The following PAK2 variants were observed in gnomAD, a reference collection of about 807,000 sequenced individuals.
The protein encoded by PAK2 is p21 (RAC1) activated kinase 2, also known as serine/threonine-protein kinase PAK 2.
Under a neutral mutation model 65.9 loss-of-function variants are expected in PAK2, and 21 were observed. The observed-to-expected ratio is 0.32, with a 90% CI of 0.23 to 0.46. The LOEUF is 0.46. Among genes scored for constraint, PAK2 ranks in the 20% least tolerant of loss-of-function variants. PAK2 has a pLI of 1.00. For missense variants in PAK2, 324 were observed against 642.6 expected (o/e 0.50, Z 5.36); for synonymous variants, 204 against 219.7 (o/e 0.93, Z 0.63).
At chr3:196,821,242 G>A (rs1399165440) in intron 13 of PAK2, among the ~76,000 whole-genome samples, 1 of 151,876 alleles carries the variant, frequency 6.6e-6, no homozygotes, top group African/African-American at 2.4e-5. Flanking sequence ...CAAGAGAATT[G>A]CTTGAACCCA....
chr3:196,792,798 GAA>G (rs58175165), intron 2 of PAK2, among the ~76,000 whole-genome samples: 1 of 150,006 alleles, frequency 6.7e-6, no homozygotes, highest in Admixed American at 6.6e-5. Flanking sequence ...TAAAATGACA[GAA>G]AAAAATATAT....
chr3:196,826,615 T>C (rs1190261204), intron 13 of PAK2, among the ~76,000 whole-genome samples: 1 of 152,056 alleles, frequency 6.6e-6, no homozygotes, highest in East Asian at 1.9e-4. Context: ...ATTATTAACA[T>C]TGTTTTATTT....
intron 8 of PAK2, among the ~76,000 whole-genome samples, chr3:196,811,237 T>TCCTTCCCTC (rs1715789282): frequency 5.0e-4 from 2 of 4,040 alleles, no homozygotes; most frequent in Non-Finnish European, 9.0e-4. Context: ...TCCCTTCCCT[T>TCCTTCCCTC]CCTTCCCTCC....
At chr3:196,755,075 T>G (rs1386801286) in intron 1 of PAK2, among the ~76,000 whole-genome samples, 1 of 152,208 alleles carries the variant, frequency 6.6e-6, no homozygotes, top group Non-Finnish European at 1.5e-5. Context: ...ATTGAAATCC[T>G]TCAAAGATCT....
At chr3:196,809,836 T>TA (rs1317176284) in intron 7 of PAK2, among the ~76,000 whole-genome samples, 2 of 152,010 alleles carry the variant, frequency 1.3e-5, no homozygotes, top group African/African-American at 4.8e-5. Flanking sequence ...GTTTCCTTGA[T>TA]ATGGTCCTGT....
At chr3:196,805,933 T>A (rs1434292005) in intron 5 of PAK2, among the ~76,000 whole-genome samples, 3 of 151,390 alleles carry the variant, frequency 2.0e-5, no homozygotes, top group Non-Finnish European at 4.4e-5. Context: ...TTTTTTTGAG[T>A]TAGAGTCTCG....
intron 13 of PAK2, among the ~76,000 whole-genome samples, chr3:196,822,653 T>C (rs980729949): frequency 6.6e-6 from 1 of 152,106 alleles, no homozygotes; most frequent in Non-Finnish European, 1.5e-5. Context: ...TGAGCTGTTA[T>C]CACATCACTG....
intron 1 of PAK2, among the ~76,000 whole-genome samples, chr3:196,757,915 A>G (rs1355571050): frequency 6.6e-6 from 1 of 152,208 alleles, no homozygotes; most frequent in Admixed American, 6.6e-5. Context: ...ATTGGTTGTG[A>G]TGAACAAGAT....
chr3:196,813,897 C>G (rs1715908466), intron 10 of PAK2, among the ~76,000 whole-genome samples: 1 of 152,118 alleles, frequency 6.6e-6, no homozygotes, highest in South Asian at 2.1e-4. Flanking sequence ...CTGCAGTGAG[C>G]CGAGATCGCG....
In PAK2 at chr3:196,820,424, A is replaced by G. The variant is rs1711608909; in HGVS notation, c.1207A>G (p.Met403Val). Reference sequence around the variant, plus strand: ...CCCTGAGCAGAGCAAACGCAGTACCATGGTCGGAACGCCATACTGGATGGC... The same window carrying G: ...CCCTGAGCAGAGCAAACGCAGTACCGTGGTCGGAACGCCATACTGGATGGC... Reference protein sequence around the residue: ...ITPEQSKRSTMVGTPYWMAPE... With the variant: ...ITPEQSKRSTVVGTPYWMAPE... Residue 403 changes from methionine to valine, a missense_variant, in exon 13 of 15, where the codon ATG (methionine) becomes GTG (valine). Met to Val is a conservative substitution (Grantham distance 21). Coordinates refer to ENST00000327134, the MANE Select transcript of PAK2 (RefSeq NM_002577.4). This position sits in a 1 kb window ranked among gnomAD's most constrained non-coding sequence, Gnocchi z 4.6. 6.2e-7 allele frequency: 1 copy of G among 1,613,022 alleles called. No individual in the cohort carries two copies. Among genetic ancestry groups the G allele is most frequent in the African/African-American group, 1.3e-5 (1 of 74,996 alleles).
chr3:196,810,687 A>G (rs759223799), intron 8 of PAK2, 34 bp downstream of exon 8: 5 of 1,011,286 alleles, frequency 4.9e-6, no homozygotes, highest in Non-Finnish European at 7.9e-6. Context: ...GATAATATTC[A>G]GTATTCAGTA....
intron 1 of PAK2, among the ~76,000 whole-genome samples, chr3:196,769,344 C>T (rs2108728354): frequency 6.6e-6 from 1 of 151,984 alleles, no homozygotes; most frequent in Non-Finnish European, 1.5e-5. Flanking sequence ...AAATTCAGAG[C>T]TGTAAGGGCT....
chr3:196,790,545 C>T (rs895819435), intron 2 of PAK2, among the ~76,000 whole-genome samples: 1 of 152,140 alleles, frequency 6.6e-6, no homozygotes. Flanking sequence ...AAGTTGACCT[C>T]CTTTCATTTT....
chr3:196,755,244 T>A (rs2108714368), intron 1 of PAK2, among the ~76,000 whole-genome samples: 1 of 152,262 alleles, frequency 6.6e-6, no homozygotes, highest in South Asian at 2.1e-4. Context: ...AATAAAAGAT[T>A]TTACCTCAGA....
Position 196,810,655 on chromosome 3 carries a change from T to C in PAK2, c.773+2T>C. 1 of 1,382,562 alleles carries C rather than the reference T, an allele frequency of 7.2e-7. No homozygotes were observed. The highest frequency in any genetic ancestry group is 1.0e-6 in the Non-Finnish European group (1 of 969,724). 85.6% of individuals were successfully genotyped at this position (1,382,562 alleles called of 1,614,324 possible). ...AAGATATGAAAAAATTGGACAAGGG[T>C]AAGTATTTGTGACTGTATTACGATA... On this transcript the variant is annotated splice_donor_variant, in intron 8 of 14. Coordinates refer to ENST00000327134, the MANE Select transcript of PAK2 (RefSeq NM_002577.4). LOFTEE classifies it high-confidence loss of function.
At chr3:196,811,971 T>C (rs917184441) in intron 8 of PAK2, among the ~76,000 whole-genome samples, 2 of 152,074 alleles carry the variant, frequency 1.3e-5, no homozygotes, top group Non-Finnish European at 2.9e-5. Context: ...TTATATAATT[T>C]TTTTCCTGCT....
intron 1 of PAK2, among the ~76,000 whole-genome samples, chr3:196,747,889 T>C (rs1713442526): frequency 6.6e-6 from 1 of 152,166 alleles, no homozygotes; most frequent in Admixed American, 6.5e-5. Context: ...CTTTAGATTT[T>C]TATTTCTTCT....
Position 196,831,270 on chromosome 3 carries a change from T to G in PAK2, c.*2865T>G, listed in dbSNP as rs775038096. ...GAAAATTCCCATTTAAATCTGAAAG[T>G]TACCTTAATAGTCCTCTTGTGTTAT... is the stretch of plus-strand genomic sequence containing the variant. On this transcript the variant is annotated 3_prime_UTR_variant, in exon 15 of 15. Transcript: ENST00000327134. 7 of 152,216 alleles carry G rather than the reference T, an allele frequency of 4.6e-5. No individual in the cohort carries two copies. Among genetic ancestry groups the G allele is most frequent in the Non-Finnish European group, 8.8e-5 (6 of 68,044 alleles). The allele number at this position is 152,216 out of a possible 1,614,324, so 9.4% of individuals were successfully genotyped here. A position where few individuals can be genotyped will look rare whatever the true frequency, so the allele number is the denominator to read the frequency against.
At chr3:196,810,869 T>C (rs959677301) in intron 8 of PAK2, among the ~76,000 whole-genome samples, 3 of 152,098 alleles carry the variant, frequency 2.0e-5, no homozygotes, top group Non-Finnish European at 4.4e-5. Context: ...CATTATTTTT[T>C]CTTAAGTGTC....
Sources: gnomAD v4.1 joint callset for allele counts (sites outside exome capture counted in the v4.1 genomes callset) on GRCh38, gnomAD v4.1.1 for gene constraint, Gnocchi (gnomAD v3.1) non-coding constraint, MANE v1.5 for transcripts, NCBI Gene and HGNC (gene_info 2026-07-23, HGNC 2026-07-21) for gene names.